TMEM41B: variants seen among roughly 807,000 people sequenced by gnomAD.
The protein encoded by TMEM41B is transmembrane protein 41B.
In TMEM41B, 18 loss-of-function variants were observed where a neutral mutation model predicts 31.9. The observed-to-expected ratio is 0.56, with a 90% CI of 0.39 to 0.84. The LOEUF is 0.84. Ranked by LOEUF, TMEM41B falls within the 40% of genes least tolerant of loss-of-function variation. The pLI, the probability that TMEM41B is intolerant of heterozygous loss-of-function variation, is 0.00. For synonymous variants in TMEM41B, 144 were observed against 124.3 expected, an observed-to-expected ratio of 1.16 and a Z score of -1.05; for missense variants, 322 against 348.0, an observed-to-expected ratio of 0.93 and a Z score of 0.59.
intron 1 of TMEM41B, among the ~76,000 whole-genome samples, chr11:9,301,989 CTTATA>C (rs1853272682): frequency 7.5e-6 from 1 of 132,548 alleles, no homozygotes; most frequent in African/African-American, 2.7e-5. Flanking sequence ...GAGATTCTCT[CTTATA>C]TTATTTTTCT....
chr11:9,290,213 C>A (rs12287120), intron 3 of TMEM41B, among the ~76,000 whole-genome samples: 2 of 151,828 alleles, frequency 1.3e-5, no homozygotes, highest in African/African-American at 4.8e-5. Context: ...ACCGTCTCTA[C>A]TAAAATACAA....
intron 3 of TMEM41B, among the ~76,000 whole-genome samples, chr11:9,290,775 T>C (rs1025767203): frequency 1.3e-5 from 2 of 151,992 alleles, no homozygotes; most frequent in African/African-American, 4.8e-5. Context: ...ACAGCTGAAA[T>C]TGGGGAAAAA....
intron 1 of TMEM41B, among the ~76,000 whole-genome samples, chr11:9,305,150 T>C (rs75445408): frequency 0.078 from 11,879 of 152,230 alleles, 491 homozygotes; most frequent in South Asian, 0.1. Flanking sequence ...TTTTTCTATA[T>C]ATTTTTATTC....
At chr11:9,296,885 CTT>C (rs913123098) in intron 2 of TMEM41B, among the ~76,000 whole-genome samples, 2 of 152,098 alleles carry the variant, frequency 1.3e-5, no homozygotes, top group African/African-American at 4.8e-5. Context: ...GAATAATCAC[CTT>C]TGTGTTTCAT....
rs192642816 is a variant in TMEM41B, at chr11:9,284,426, A to C, written c.707-833T>G. Among the ~76,000 whole-genome samples the C allele has an allele frequency of 5.3e-5, 8 of 152,086 alleles. No individual in the cohort carries two copies. In the East Asian group the frequency reaches 9.7e-4, roughly 18 times the overall value. Reference sequence around the variant, plus strand: ...CTCAGCCTCCCAAAGTGCTGGGATTACAAGTGTGAGCCACCACACCCAGAC... The same window carrying C: ...CTCAGCCTCCCAAAGTGCTGGGATTCCAAGTGTGAGCCACCACACCCAGAC... On this transcript the variant is annotated intron_variant, in intron 6 of 6. Coordinates refer to ENST00000528080, the MANE Select transcript of TMEM41B (RefSeq NM_015012.4).
At chr11:9,306,221 C>T (rs1333506409) in intron 1 of TMEM41B, among the ~76,000 whole-genome samples, 5 of 151,600 alleles carry the variant, frequency 3.3e-5, no homozygotes, top group Admixed American at 6.6e-5. Flanking sequence ...TCAGGTAATC[C>T]GCCCACCTCA....
intron 3 of TMEM41B, among the ~76,000 whole-genome samples, chr11:9,291,931 C>T (rs1852969563): frequency 6.6e-6 from 1 of 152,146 alleles, no homozygotes; most frequent in Non-Finnish European, 1.5e-5. Flanking sequence ...TGGTCTTGAA[C>T]TCCAGACCTC....
At chr11:9,299,533 T>A (rs750378378) in intron 2 of TMEM41B, 51 bp downstream of exon 2, 1 of 1,304,580 alleles carries the variant, frequency 7.7e-7, no homozygotes, top group Admixed American at 2.0e-5. Context: ...TTAATCCACT[T>A]TCATCTTATA....
intron 1 of TMEM41B, chr11:9,311,291 A>T (rs1853554831): frequency 6.6e-7 from 1 of 1,518,252 alleles, no homozygotes; most frequent in South Asian, 1.1e-5. Flanking sequence ...AGTCAGAATC[A>T]CTGCTGGAAG....
rs76384251 is a variant in TMEM41B at position 9,290,515 on chromosome 11, G to A, written c.369-1980C>T. 8.8e-3 allele frequency among the ~76,000 whole-genome samples: 1,337 copies of A among 151,634 alleles called. 15 individuals carry two copies. Among genetic ancestry groups the A allele is most frequent in the African/African-American group, 0.031 (1,279 of 41,318 alleles). On this transcript the variant is annotated intron_variant, in intron 3 of 6. Transcript: ENST00000528080. ...ATATACGTATGTAACAAACCTGCAC[G>A]CTGTGCACATGTACCCCAGAACTTA... is the stretch of plus-strand genomic sequence containing the variant.
intron 3 of TMEM41B, among the ~76,000 whole-genome samples, chr11:9,292,380 T>C (rs1175459535): frequency 3.9e-5 from 6 of 152,192 alleles, no homozygotes; most frequent in South Asian, 2.1e-4. Context: ...AACACCAACA[T>C]AGTTGCCTAT....
chr11:9,314,164 G>T (rs1042178366), intron 1 of TMEM41B, among the ~76,000 whole-genome samples, 157 bp downstream of exon 1: 2 of 152,156 alleles, frequency 1.3e-5, no homozygotes, highest in African/African-American at 4.8e-5. Context: ...CTGCGCGAGC[G>T]CCCAAGCCCA....
intron 1 of TMEM41B, among the ~76,000 whole-genome samples, chr11:9,309,378 C>T (rs1251137051): frequency 6.6e-6 from 1 of 151,870 alleles, no homozygotes; most frequent in Non-Finnish European, 1.5e-5. Context: ...GCAAGGGTTC[C>T]AGTGGGTTTT....
Position 9,301,205 on chromosome 11 carries a change from C to G in TMEM41B, c.122-1504G>C, listed in dbSNP as rs533924258. On this transcript the variant is annotated intron_variant, in intron 1 of 6. Transcript: ENST00000528080. Reference sequence around the variant, plus strand: ...GGTCAGGAGATTGAGACCATCCTGGCTAACACGGTGAACCCCCATCTCTAC... The same window carrying G: ...GGTCAGGAGATTGAGACCATCCTGGGTAACACGGTGAACCCCCATCTCTAC... Among the ~76,000 whole-genome samples, 968 of 152,056 alleles carry G rather than the reference C, an allele frequency of 6.4e-3. 9 individuals are homozygous for G. Among genetic ancestry groups the G allele is most frequent in the African/African-American group, 0.022 (917 of 41,448 alleles).
rs1028726194 is a variant in TMEM41B at position 9,314,563 on chromosome 11, C to T, written c.-122G>A. 2 of 1,357,040 alleles carry T rather than the reference C, an allele frequency of 1.5e-6. No individual in the cohort carries two copies. Among genetic ancestry groups the T allele is most frequent in the Non-Finnish European group, 2.0e-6 (2 of 1,023,952 alleles). 84.1% of individuals were successfully genotyped at this position (1,357,040 alleles called of 1,614,324 possible). On this transcript the variant is annotated 5_prime_UTR_variant, in exon 1 of 7. It adds an upstream start codon to the 5' untranslated region. Transcript: ENST00000528080. Reference sequence around the variant, plus strand: ...AGCCACTTCCGGCGCGACCTCCTCACCCGAGACGACCTCAGCCCAGCGAGT... The same window carrying T: ...AGCCACTTCCGGCGCGACCTCCTCATCCGAGACGACCTCAGCCCAGCGAGT...
chr11:9,301,027 G>A (rs1270365031), intron 1 of TMEM41B, among the ~76,000 whole-genome samples: 2 of 152,134 alleles, frequency 1.3e-5, no homozygotes, highest in African/African-American at 4.8e-5. Context: ...GGAAGAGGTA[G>A]GAGTGGGTGA....
In TMEM41B at chr11:9,302,581, C is replaced by T. The variant is rs547577525; in HGVS notation, c.122-2880G>A. 2.0e-4 allele frequency among the ~76,000 whole-genome samples: 20 copies of T among 99,632 alleles called. 8 individuals are homozygous for T. The highest frequency in any genetic ancestry group is 5.8e-4 in the African/African-American group (15 of 25,808). 65.4% of individuals were successfully genotyped at this position (99,632 alleles called of 152,430 possible). The stretch of plus-strand genomic sequence containing the variant: ...TAGCTGGCACTACAGGCATGTAACA[C>T]TGAGCCCTGACTAGATATTACTAAA... On this transcript the variant is annotated intron_variant, in intron 1 of 6. Coordinates refer to ENST00000528080, the MANE Select transcript of TMEM41B (RefSeq NM_015012.4).
intron 1 of TMEM41B, among the ~76,000 whole-genome samples, chr11:9,307,887 A>C (rs1478726896): frequency 5.9e-5 from 9 of 152,038 alleles, no homozygotes; most frequent in Non-Finnish European, 1.2e-4. Context: ...CTGGGACTAC[A>C]GGCACCACCC....
rs866525375 is a variant in TMEM41B, at chr11:9,287,994, C to T, written c.463-188G>A. The T allele has an allele frequency of 7.7e-5, 44 of 569,016 alleles. No individual in the cohort carries two copies. The South Asian group carries it at 8.1e-4, about 11-fold the overall frequency. The allele number at this position is 569,016 out of a possible 1,614,324, so 35.2% of individuals were successfully genotyped here. On this transcript the variant is annotated intron_variant, in intron 4 of 6. Transcript: ENST00000528080. ...CAAAATGTACCTCAAATGAGATCAGCTAAAACAAACTGGCACTTGTGATTA... is the reference window on the plus strand; with the variant it reads ...CAAAATGTACCTCAAATGAGATCAGTTAAAACAAACTGGCACTTGTGATTA...
Sources: allele counts gnomAD v4.1 joint callset (sites outside exome capture counted in the v4.1 genomes callset), GRCh38; gene constraint gnomAD v4.1.1; transcripts MANE v1.5; gene names NCBI Gene and HGNC (gene_info 2026-07-23, HGNC 2026-07-21).